Variants in SH3RF3 observed in about 807,000 individuals in gnomAD.
SH3RF3 encodes E3 ubiquitin-protein ligase SH3RF3.
A neutral mutation model predicts 66.3 loss-of-function variants in SH3RF3; 29 were observed. The observed-to-expected ratio is 0.44, with a 90% CI of 0.33 to 0.60. The LOEUF is 0.60. SH3RF3 is among the 20% of genes least tolerant of loss of function. The pLI is 0.04. For synonymous variants in SH3RF3, 583 were observed against 532.0 expected (o/e 1.10, Z -1.32); for missense variants, 1,194 against 1,190.9 (o/e 1.00, Z -0.04).
chr2:109,343,465 T>G (rs1323061314), intron 1 of SH3RF3, among the ~76,000 whole-genome samples: 2 of 152,166 alleles, frequency 1.3e-5, no homozygotes, highest in Admixed American at 6.5e-5. Context: ...CAGTCTGAGA[T>G]GGGGATACAG....
At position 109,398,901 on chromosome 2, in the gene SH3RF3, G is replaced by T. The variant is rs1411186541; in HGVS notation, c.1257G>T (p.Arg419Ser). 6.2e-7 allele frequency: 1 copy of T among 1,613,594 alleles called. No individual in the cohort carries two copies. Among genetic ancestry groups the T allele is most frequent in the Admixed American group, 1.7e-5 (1 of 60,010 alleles). ...CCAGCGATCCCCGAGCCGCGGCCAGGATTGGAGACCTTGCTCATCTGTCGT... is the reference window on the plus strand; with the variant it reads ...CCAGCGATCCCCGAGCCGCGGCCAGTATTGGAGACCTTGCTCATCTGTCGT... ...ISSSDPRAAA[R>S]IGDLAHLSCA... is the part of the protein sequence containing the mutation. Residue 419 changes from arginine to serine, a missense_variant, in exon 4 of 10, where the codon AGG (arginine) becomes AGT (serine). Arg to Ser is a moderately radical substitution (Grantham distance 110, BLOSUM62 -1). Transcript: ENST00000309415.
At position 109,129,558 on chromosome 2, in the gene SH3RF3, C is replaced by G. The variant is rs778999812; in HGVS notation, c.18C>G (p.Ser6=). 6.7e-7 allele frequency: 1 copy of G among 1,492,358 alleles called. No individual in the cohort carries two copies. The highest frequency in any genetic ancestry group is 8.9e-7 in the Non-Finnish European group (1 of 1,128,756). 92.4% of individuals were successfully genotyped at this position (1,492,358 alleles called of 1,614,324 possible). Residue 6 remains serine (S), a synonymous_variant, in exon 1 of 10, where the codon TCC becomes TCG. Coordinates refer to ENST00000309415, the MANE Select transcript of SH3RF3 (RefSeq NM_001099289.3). ...CCTCCCCCATGCTGCTCGGAGCGTC[C>G]TGGCTGTGCGCATCCAAGGCGGCCG... MLLGA[S]WLCASKAAAA...
chr2:109,282,596 A>G (rs571699016), intron 1 of SH3RF3, among the ~76,000 whole-genome samples: 4 of 152,330 alleles, frequency 2.6e-5, no homozygotes, highest in Admixed American at 2.6e-4. Context: ...AACGGCGCAC[A>G]GAGCCAATGC....
At chr2:109,212,632 T>C (rs1444870736) in intron 1 of SH3RF3, among the ~76,000 whole-genome samples, 1 of 152,216 alleles carries the variant, frequency 6.6e-6, no homozygotes, top group African/African-American at 2.4e-5. Context: ...TCTTTGTCAA[T>C]GTTTCTTCTC....
intron 1 of SH3RF3, among the ~76,000 whole-genome samples, chr2:109,275,644 G>A (rs1383433727): frequency 1.3e-5 from 2 of 152,198 alleles, no homozygotes; most frequent in African/African-American, 4.8e-5. Flanking sequence ...GCACTTCCAA[G>A]TTCAAGGATT....
intron 2 of SH3RF3, among the ~76,000 whole-genome samples, chr2:109,358,148 T>C (rs985750677): frequency 6.6e-6 from 1 of 152,252 alleles, no homozygotes; most frequent in Non-Finnish European, 1.5e-5. Context: ...TCATACAATA[T>C]GTAGCCTTTT....
At chr2:109,491,045 C>T in intron 9 of SH3RF3, 109 bp downstream of exon 9, 1 of 1,055,274 alleles carries the variant, frequency 9.5e-7, no homozygotes, top group Non-Finnish European at 1.3e-6. Flanking sequence ...ATTAGGTTTA[C>T]CAGATGTACC....
intron 1 of SH3RF3, among the ~76,000 whole-genome samples, chr2:109,259,754 C>T (rs1189404650): frequency 6.6e-6 from 1 of 152,202 alleles, no homozygotes; most frequent in East Asian, 1.9e-4. Flanking sequence ...GGAGGCTTCA[C>T]GTAGGTGCAT....
At chr2:109,432,305 C>T (rs1387169965) in intron 5 of SH3RF3, among the ~76,000 whole-genome samples, 196 bp from the exon 6 acceptor site, 1 of 152,158 alleles carries the variant, frequency 6.6e-6, no homozygotes, top group Admixed American at 6.5e-5. Flanking sequence ...CCGAAGGCTC[C>T]CTGCCTCGTG....
intron 3 of SH3RF3, among the ~76,000 whole-genome samples, chr2:109,389,538 C>T (rs1287246670): frequency 6.6e-6 from 1 of 152,070 alleles, no homozygotes; most frequent in Non-Finnish European, 1.5e-5. Flanking sequence ...CGGTCAGGAC[C>T]CAATCAATGG....
intron 1 of SH3RF3, among the ~76,000 whole-genome samples, chr2:109,268,686 T>G (rs1242092337): frequency 2.6e-5 from 4 of 152,172 alleles, no homozygotes; most frequent in Non-Finnish European, 4.4e-5. Context: ...ATCACTCTAT[T>G]TTTCACTTTC....
intron 2 of SH3RF3, among the ~76,000 whole-genome samples, chr2:109,369,005 C>G (rs1282426558): frequency 6.6e-6 from 1 of 152,086 alleles, no homozygotes; most frequent in Non-Finnish European, 1.5e-5. Context: ...GGCGCCTCCC[C>G]CAAGCCAGGG....
At chr2:109,219,916 TA>T (rs1679192703) in intron 1 of SH3RF3, among the ~76,000 whole-genome samples, 1 of 152,074 alleles carries the variant, frequency 6.6e-6, no homozygotes, top group East Asian at 1.9e-4. Context: ...AGAGAAATAG[TA>T]AAAAAGCACT....
intron 1 of SH3RF3, among the ~76,000 whole-genome samples, chr2:109,158,734 C>T (rs886682823): frequency 1.3e-5 from 2 of 152,196 alleles, no homozygotes; most frequent in African/African-American, 4.8e-5. Context: ...AATGTTTTAA[C>T]ACATATTCTG....
rs115193194 is a variant in SH3RF3, at chr2:109,324,969, C to T, written c.574-22705C>T. 5.7e-3 allele frequency among the ~76,000 whole-genome samples: 868 copies of T among 152,304 alleles called. 9 individuals are homozygous for T. The highest frequency in any genetic ancestry group is 0.02 in the African/African-American group (830 of 41,554). ...TGACTAGTATAGACAAATACAATCA[C>T]ACAGTTTTGGCAAGGAAAAGTTTGT... On this transcript the variant is annotated intron_variant, in intron 1 of 9. Coordinates refer to ENST00000309415, the MANE Select transcript of SH3RF3 (RefSeq NM_001099289.3).
chr2:109,502,014 A>G lies in SH3RF3; in HGVS notation c.*343A>G, dbSNP rs751983359. 6.9e-5 allele frequency: 17 copies of G among 245,652 alleles called. 1 individual carries two copies. The highest frequency in any genetic ancestry group is 1.1e-4 in the Non-Finnish European group (13 of 123,524). 15.2% of individuals were successfully genotyped at this position (245,652 alleles called of 1,614,324 possible). A position where few individuals can be genotyped will look rare whatever the true frequency, so the allele number is the denominator to read the frequency against. On this transcript the variant is annotated 3_prime_UTR_variant, in exon 10 of 10. Coordinates refer to ENST00000309415, the MANE Select transcript of SH3RF3 (RefSeq NM_001099289.3). ...CAGCGTTCTCATTTACCACCTAAGC[A>G]GGGTTGGAGGTTGCAGGAGGTCTGC...
At chr2:109,338,341 A>G (rs550688909) in intron 1 of SH3RF3, among the ~76,000 whole-genome samples, 1 of 152,048 alleles carries the variant, frequency 6.6e-6, no homozygotes, top group African/African-American at 2.4e-5. Context: ...AAGAAGCTTC[A>G]TGGCCACCCT....
At chr2:109,320,243 G>A (rs192669346) in intron 1 of SH3RF3, among the ~76,000 whole-genome samples, 62 of 152,216 alleles carry the variant, frequency 4.1e-4, no homozygotes, top group Non-Finnish European at 5.9e-4. Context: ...GCTGCTTTCC[G>A]GGCAGAGGAG....
intron 1 of SH3RF3, among the ~76,000 whole-genome samples, chr2:109,325,252 G>T (rs1301345228): frequency 2.7e-5 from 4 of 150,834 alleles, no homozygotes; most frequent in Non-Finnish European, 5.9e-5. Flanking sequence ...GGTTTACACA[G>T]AGTAAGCCAA....
Sources: gnomAD v4.1 joint callset for allele counts (sites outside exome capture counted in the v4.1 genomes callset) on GRCh38, gnomAD v4.1.1 for gene constraint, MANE v1.5 for transcripts, NCBI Gene and HGNC (gene_info 2026-07-23, HGNC 2026-07-21) for gene names.